ARHGAP15: variants seen among roughly 807,000 people sequenced by gnomAD.
The protein encoded by ARHGAP15 is rho GTPase-activating protein 15.
In ARHGAP15, 51 loss-of-function variants were observed where a neutral mutation model predicts 63.7. The observed-to-expected ratio is 0.80, with a 90% CI of 0.64 to 1.01. The LOEUF is 1.01. Among genes scored for constraint, ARHGAP15 ranks in the 50% least tolerant of loss-of-function variants. ARHGAP15 has a pLI of 0.00. For missense variants in ARHGAP15, 560 were observed against 564.6 expected (o/e 0.99, Z 0.08); for synonymous variants, 191 against 193.8 (o/e 0.99, Z 0.12).
rs542205368 is a variant in ARHGAP15 at position 143,220,321 on chromosome 2, T to C, written c.296+3876T>C. Among the ~76,000 whole-genome samples, 45 of 152,154 alleles carry C rather than the reference T, an allele frequency of 3.0e-4. 1 individual carries two copies. In the South Asian group the frequency reaches 5.0e-3, roughly 17 times the overall value. On this transcript the variant is annotated intron_variant, in intron 4 of 13. Transcript: ENST00000295095. ...CACCCCCATCCATCCACCCACCTTATGCGGGGATAAATGAGTAGCTGGGAC... is the reference window on the plus strand; with the variant it reads ...CACCCCCATCCATCCACCCACCTTACGCGGGGATAAATGAGTAGCTGGGAC...
At chr2:143,179,360 A>G (rs1213350675) in intron 2 of ARHGAP15, among the ~76,000 whole-genome samples, 1 of 152,204 alleles carries the variant, frequency 6.6e-6, no homozygotes, top group African/African-American at 2.4e-5. Flanking sequence ...TATCCTGCCT[A>G]TAAGTCTCCA....
chr2:143,538,650 G>T (rs1454565757), intron 10 of ARHGAP15, among the ~76,000 whole-genome samples: 1 of 152,128 alleles, frequency 6.6e-6, no homozygotes, highest in Non-Finnish European at 1.5e-5. Flanking sequence ...TGTGGTTTTT[G>T]TCTTTGATTC....
chr2:143,438,051 C>T (rs941330457), intron 8 of ARHGAP15, among the ~76,000 whole-genome samples: 1 of 152,070 alleles, frequency 6.6e-6, no homozygotes, highest in Admixed American at 6.6e-5. Context: ...TCTTTGGAAC[C>T]AGAGAAAACC....
At chr2:143,677,492 ATC>A (rs750320519) in intron 12 of ARHGAP15, among the ~76,000 whole-genome samples, 1 of 152,102 alleles carries the variant, frequency 6.6e-6, no homozygotes, top group East Asian at 1.9e-4. Context: ...TTTTAATTAT[ATC>A]TGTGTCATAT....
intron 8 of ARHGAP15, among the ~76,000 whole-genome samples, chr2:143,447,636 C>T (rs150432885): frequency 1.6e-4 from 25 of 152,304 alleles, no homozygotes; most frequent in Middle Eastern, 3.4e-3. Context: ...CTGCTAATTA[C>T]CCCTCCCTAT....
chr2:143,493,740 A>T (rs1230638077), intron 9 of ARHGAP15, among the ~76,000 whole-genome samples: 1 of 151,880 alleles, frequency 6.6e-6, no homozygotes, highest in Non-Finnish European at 1.5e-5. Flanking sequence ...ATCTCCTTCC[A>T]CTGCTCCTCT....
intron 13 of ARHGAP15, among the ~76,000 whole-genome samples, chr2:143,714,189 A>G (rs922239437): frequency 1.3e-5 from 2 of 152,236 alleles, no homozygotes; most frequent in African/African-American, 2.4e-5. Flanking sequence ...CCAAACCTCA[A>G]TTCATGACTT....
At chr2:143,302,026 G>A (rs1443806273) in intron 6 of ARHGAP15, among the ~76,000 whole-genome samples, 1 of 151,910 alleles carries the variant, frequency 6.6e-6, no homozygotes, top group African/African-American at 2.4e-5. Flanking sequence ...TCTAAAATAG[G>A]ACAGTGTTTT....
At chr2:143,623,178 G>T (rs185300279) in intron 11 of ARHGAP15, among the ~76,000 whole-genome samples, 1 of 152,262 alleles carries the variant, frequency 6.6e-6, no homozygotes, top group African/African-American at 2.4e-5. Context: ...TTTGTACCTC[G>T]CTTCCTTTTA....
At chr2:143,660,452 G>A (rs1401655749) in intron 12 of ARHGAP15, among the ~76,000 whole-genome samples, 5 of 152,178 alleles carry the variant, frequency 3.3e-5, no homozygotes, top group Admixed American at 2.0e-4. Flanking sequence ...ATTAAAGCAG[G>A]GTTAGTGGTT....
intron 2 of ARHGAP15, among the ~76,000 whole-genome samples, chr2:143,174,065 T>C (rs1690913118): frequency 6.6e-6 from 1 of 152,116 alleles, no homozygotes; most frequent in South Asian, 2.1e-4. Context: ...GTCGCATTTA[T>C]CAAACAGTTC....
intron 6 of ARHGAP15, among the ~76,000 whole-genome samples, chr2:143,359,098 A>G (rs1685931076): frequency 6.6e-6 from 1 of 152,166 alleles, no homozygotes; most frequent in Non-Finnish European, 1.5e-5. Flanking sequence ...AAATCTTTTG[A>G]TTATGTTTGG....
chr2:143,743,871 T>C (rs542333738), intron 13 of ARHGAP15, among the ~76,000 whole-genome samples: 97 of 151,980 alleles, frequency 6.4e-4, no homozygotes, highest in African/African-American at 2.3e-3. Flanking sequence ...ATGTTCTCTC[T>C]GCCTTCCAGA....
chr2:143,668,424 T>C (rs1682348119), intron 12 of ARHGAP15, among the ~76,000 whole-genome samples: 1 of 152,170 alleles, frequency 6.6e-6, no homozygotes, highest in Non-Finnish European at 1.5e-5. Context: ...GAGTCTCTAT[T>C]CCTCCCTATT....
chr2:143,247,932 T>TG (rs1233917390), intron 5 of ARHGAP15, among the ~76,000 whole-genome samples: 1 of 152,220 alleles, frequency 6.6e-6, no homozygotes, highest in Non-Finnish European at 1.5e-5. Flanking sequence ...AAAAGCTAGT[T>TG]GCATTTTGGT....
At chr2:143,730,311 G>A (rs1286804599) in intron 13 of ARHGAP15, among the ~76,000 whole-genome samples, 1 of 152,184 alleles carries the variant, frequency 6.6e-6, no homozygotes. Flanking sequence ...GAAAGGCCTA[G>A]ACACACACTG....
chr2:143,378,437 A>G (rs1413442102), intron 6 of ARHGAP15, among the ~76,000 whole-genome samples: 1 of 152,054 alleles, frequency 6.6e-6, no homozygotes, highest in Non-Finnish European at 1.5e-5. Context: ...CCAGTTATCT[A>G]TCCAAAATAG....
chr2:143,500,468 T>C (rs1234669951), intron 9 of ARHGAP15, among the ~76,000 whole-genome samples: 4 of 152,114 alleles, frequency 2.6e-5, no homozygotes, highest in Non-Finnish European at 4.4e-5. Flanking sequence ...TTAATTACAA[T>C]TTGTGGAATA....
chr2:143,539,202 G>T (rs1406825665), intron 10 of ARHGAP15, among the ~76,000 whole-genome samples: 1 of 152,096 alleles, frequency 6.6e-6, no homozygotes, highest in Admixed American at 6.6e-5. Flanking sequence ...GGTAGTTTGT[G>T]TTTCTGTTGG....
Sources: allele counts gnomAD v4.1 joint callset (sites outside exome capture counted in the v4.1 genomes callset), GRCh38; gene constraint gnomAD v4.1.1; transcripts MANE v1.5; gene names NCBI Gene and HGNC (gene_info 2026-07-23, HGNC 2026-07-21).